The following TRPC7 variants were observed in gnomAD, a reference collection of about 807,000 sequenced individuals.
TRPC7 encodes transient receptor potential cation channel subfamily C member 7, also known as short transient receptor potential channel 7.
Under a neutral mutation model 90.1 loss-of-function variants are expected in TRPC7, and 42 were observed. The ratio of observed to expected loss-of-function variants is 0.47; its 90% CI spans 0.36 to 0.60. TRPC7 has a LOEUF of 0.60. Ranked by LOEUF, TRPC7 falls within the 20% of genes least tolerant of loss-of-function variation. The pLI, the probability that TRPC7 is intolerant of heterozygous loss-of-function variation, is 0.00. For synonymous variants in TRPC7, 451 were observed against 436.3 expected, an observed-to-expected ratio of 1.03 and a Z score of -0.42; for missense variants, 955 against 1,112.3, an observed-to-expected ratio of 0.86 and a Z score of 2.01.
chr5:136,341,324 G>A (rs1759838495), intron 2 of TRPC7, among the ~76,000 whole-genome samples: 1 of 152,096 alleles, frequency 6.6e-6, no homozygotes, highest in South Asian at 2.1e-4. Flanking sequence ...ACATGCTGAT[G>A]TGGACAGATA....
chr5:136,237,058 A>C (rs551423427), intron 7 of TRPC7, among the ~76,000 whole-genome samples: 1 of 152,306 alleles, frequency 6.6e-6, no homozygotes, highest in South Asian at 2.1e-4. Context: ...ATGGATAAAG[A>C]TCTTCTCAGA....
At chr5:136,230,188 A>G (rs1755772562) in intron 8 of TRPC7, among the ~76,000 whole-genome samples, 1 of 152,256 alleles carries the variant, frequency 6.6e-6, no homozygotes, top group South Asian at 2.1e-4. Context: ...ATCTATTCCC[A>G]GAATTGGAAT....
rs376083475 is a variant in TRPC7 at position 136,251,774 on chromosome 5, G to C, written c.1454C>G (p.Ser485Cys). Residue 485 changes from serine (S) to cysteine (C), a missense_variant, in exon 6 of 12, where the codon TCC becomes TGC. Ser to Cys is a moderately radical substitution (Grantham distance 112). Coordinates refer to ENST00000513104, the MANE Select transcript of TRPC7 (RefSeq NM_020389.3). ...DFGMLSIFVA[S>C]FTARFMAFLK... ...GAAGGCCATGAAGCGTGCTGTGAAG[G>C]AGGCCACGAAGATGGACAGCATCCC... 6.2e-7 allele frequency: 1 copy of C among 1,613,998 alleles called. No homozygotes were observed.
chr5:136,228,436 C>CTTT (rs55851435), intron 8 of TRPC7, among the ~76,000 whole-genome samples: 4 of 140,594 alleles, frequency 2.8e-5, no homozygotes, highest in African/African-American at 5.3e-5. Flanking sequence ...TTTATAGTTC[C>CTTT]TTTTTTTTTT....
At chr5:136,347,739 C>T (rs143752903) in intron 2 of TRPC7, among the ~76,000 whole-genome samples, 189 of 152,308 alleles carry the variant, frequency 1.2e-3, no homozygotes, top group African/African-American at 4.4e-3. Context: ...ACATCACTCT[C>T]CTGTTCTCCT....
intron 2 of TRPC7, among the ~76,000 whole-genome samples, chr5:136,334,424 G>A (rs1759588279): frequency 6.6e-6 from 1 of 152,240 alleles, no homozygotes; most frequent in Admixed American, 6.5e-5. Flanking sequence ...AGGCAAATCA[G>A]TACTTGTGAT....
At chr5:136,353,537 T>C (rs1472670605) in intron 2 of TRPC7, among the ~76,000 whole-genome samples, 6 of 152,186 alleles carry the variant, frequency 3.9e-5, no homozygotes, top group Non-Finnish European at 5.9e-5. Flanking sequence ...AGACACTCTC[T>C]TGCTCTTTAT....
intron 2 of TRPC7, among the ~76,000 whole-genome samples, chr5:136,352,555 T>C (rs1760225232): frequency 6.6e-6 from 1 of 152,104 alleles, no homozygotes; most frequent in South Asian, 2.1e-4. Flanking sequence ...GTTACCCAAC[T>C]GAGGTAGACA....
intron 2 of TRPC7, among the ~76,000 whole-genome samples, chr5:136,325,805 G>C (rs958665087): frequency 1.3e-5 from 2 of 152,082 alleles, no homozygotes; most frequent in Non-Finnish European, 2.9e-5. Context: ...GGATCAAAAG[G>C]AAAACACCTG....
At chr5:136,341,722 G>C (rs149719631) in intron 2 of TRPC7, among the ~76,000 whole-genome samples, 1 of 152,198 alleles carries the variant, frequency 6.6e-6, no homozygotes, top group African/African-American at 2.4e-5. Flanking sequence ...TACAACAGTC[G>C]CTATTCAGGT....
intron 2 of TRPC7, among the ~76,000 whole-genome samples, chr5:136,332,805 A>G (rs1320267912): frequency 6.6e-6 from 1 of 152,116 alleles, no homozygotes; most frequent in Non-Finnish European, 1.5e-5. Context: ...TTTTGTCTCT[A>G]TGAGAGAAAC....
In TRPC7 at chr5:136,300,999, T is replaced by C. The variant is rs116597594; in HGVS notation, c.963+14598A>G. Among the ~76,000 whole-genome samples the C allele has an allele frequency of 5.1e-3, 773 of 152,272 alleles. 5 individuals carry two copies. Among genetic ancestry groups the C allele is most frequent in the African/African-American group, 0.018 (734 of 41,552 alleles). On this transcript the variant is annotated intron_variant, in intron 3 of 11. Coordinates refer to ENST00000513104, the MANE Select transcript of TRPC7 (RefSeq NM_020389.3). ...ATTGCTGTGCTCCCACCCAAAAGAA[T>C]TGGATTACAAATTCTGTGGATGTGG...
chr5:136,360,431 G>A (rs989360897), intron 1 of TRPC7, among the ~76,000 whole-genome samples: 7 of 152,074 alleles, frequency 4.6e-5, no homozygotes, highest in Non-Finnish European at 7.4e-5. Context: ...CAAGGGTAGG[G>A]CATCATATAA....
chr5:136,225,498 G>C, intron 9 of TRPC7, 144 bp from the exon 10 acceptor site: 1 of 708,744 alleles, frequency 1.4e-6, no homozygotes, highest in Non-Finnish European at 2.3e-6. Flanking sequence ...GGTGCTGCTT[G>C]GCTTCCTAGA....
intron 8 of TRPC7, among the ~76,000 whole-genome samples, chr5:136,229,888 C>T (rs560342097): frequency 6.6e-6 from 1 of 152,314 alleles, no homozygotes; most frequent in Admixed American, 6.5e-5. Flanking sequence ...AGAGGACGCC[C>T]GGTCAAAAGC....
chr5:136,250,932 C>T (rs1756498313), intron 6 of TRPC7, among the ~76,000 whole-genome samples: 1 of 152,138 alleles, frequency 6.6e-6, no homozygotes, highest in Non-Finnish European at 1.5e-5. Context: ...CCTGTATTTT[C>T]TGGAAACATT....
At chr5:136,238,273 C>T (rs1406332163) in intron 7 of TRPC7, among the ~76,000 whole-genome samples, 1 of 152,194 alleles carries the variant, frequency 6.6e-6, no homozygotes, top group Non-Finnish European at 1.5e-5. Context: ...ATTTGTTTAT[C>T]TTTTTGCCTC....
At chr5:136,358,139 G>A (rs1760449785) in intron 1 of TRPC7, among the ~76,000 whole-genome samples, 1 of 152,162 alleles carries the variant, frequency 6.6e-6, no homozygotes. Context: ...GATGTGGCAG[G>A]GAGCAGGACT....
intron 5 of TRPC7, among the ~76,000 whole-genome samples, chr5:136,260,102 AG>A (rs1432897675): frequency 1.3e-5 from 2 of 152,222 alleles, no homozygotes; most frequent in Non-Finnish European, 1.5e-5. Flanking sequence ...CATGCCCCAT[AG>A]GATGAGGGGA....
Sources: allele counts gnomAD v4.1 joint callset (sites outside exome capture counted in the v4.1 genomes callset), GRCh38; gene constraint gnomAD v4.1.1; transcripts MANE v1.5; gene names NCBI Gene and HGNC (gene_info 2026-07-23, HGNC 2026-07-21).